Variants in HMBOX1 observed in about 807,000 individuals in gnomAD.
HMBOX1 encodes homeobox-containing protein 1.
In HMBOX1, 14 loss-of-function variants were observed where a neutral mutation model predicts 54.5. That is an observed-to-expected ratio of 0.26 (90% CI 0.17 to 0.40). The LOEUF is 0.40. Among genes scored for constraint, HMBOX1 ranks in the 10% least tolerant of loss-of-function variants. HMBOX1 has a pLI of 1.00. For synonymous variants in HMBOX1, 160 were observed against 181.0 expected (o/e 0.88, Z 0.93); for missense variants, 332 against 514.4 (o/e 0.65, Z 3.43).
At chr8:28,936,274 CAGA>C (rs955329327) in intron 1 of HMBOX1, among the ~76,000 whole-genome samples, 127 of 151,948 alleles carry the variant, frequency 8.4e-4, no homozygotes, top group Non-Finnish European at 1.5e-3. Flanking sequence ...TTTTTTTTCT[CAGA>C]AGAACTGCTC....
chr8:28,943,697 G>T (rs1229874610), intron 1 of HMBOX1, among the ~76,000 whole-genome samples: 4 of 152,274 alleles, frequency 2.6e-5, no homozygotes, highest in African/African-American at 9.6e-5. Flanking sequence ...TAAGTATAAA[G>T]AATTATGTCT....
intron 5 of HMBOX1, among the ~76,000 whole-genome samples, chr8:29,014,270 GA>G (rs35567661): frequency 0.36 from 54,776 of 151,766 alleles, 10,091 homozygotes; most frequent in South Asian, 0.44. Flanking sequence ...TAGATGGGGG[GA>G]AAAAAGATTT....
chr8:29,018,738 A>G lies in HMBOX1; in HGVS notation c.698-22A>G, dbSNP rs202028846. On this transcript the variant is annotated intron_variant, in intron 5 of 9. Transcript: ENST00000287701. ...TTAAATAAACTGCAAGATATTTGCT[A>G]AAAGTGTCTTGTTTATTTCAGGCGC... The G allele has an allele frequency of 8.1e-6, 13 of 1,605,254 alleles. No individual in the cohort carries two copies. In the Admixed American group the frequency reaches 1.0e-4, roughly 12 times the overall value.
chr8:28,936,970 G>T (rs1248257100), intron 1 of HMBOX1, among the ~76,000 whole-genome samples: 6 of 151,928 alleles, frequency 3.9e-5, no homozygotes, highest in Non-Finnish European at 7.4e-5. Context: ...CTTCATTTTA[G>T]GTGGTACAGG....
At chr8:29,009,506 C>T (rs187097037) in intron 5 of HMBOX1, 104 of 838,262 alleles carry the variant, frequency 1.2e-4, no homozygotes, top group Middle Eastern at 1.2e-3. Flanking sequence ...TACATAACTA[C>T]GTAAGATTCC....
intron 4 of HMBOX1, among the ~76,000 whole-genome samples, chr8:29,007,396 C>T (rs957781575): frequency 1.3e-5 from 2 of 152,182 alleles, no homozygotes; most frequent in Non-Finnish European, 2.9e-5. Flanking sequence ...TTTGCATTTT[C>T]TTAGAAGAGG....
intron 1 of HMBOX1, among the ~76,000 whole-genome samples, chr8:28,896,783 G>A (rs1229742969): frequency 2.0e-5 from 3 of 152,138 alleles, no homozygotes; most frequent in South Asian, 2.1e-4. Context: ...TATGGTGTTC[G>A]CTCAACAATG....
chr8:28,967,534 G>T (rs1416464775), intron 2 of HMBOX1, among the ~76,000 whole-genome samples: 1 of 152,152 alleles, frequency 6.6e-6, no homozygotes, highest in Non-Finnish European at 1.5e-5. Flanking sequence ...ACTGTATATA[G>T]ATAACTAACT....
rs116888282 is a variant in HMBOX1, at chr8:28,937,945, T to A, written c.-57-25866T>A. On this transcript the variant is annotated intron_variant, in intron 1 of 9. Coordinates refer to ENST00000287701, the MANE Select transcript of HMBOX1 (RefSeq NM_001135726.3). ...TTCAGTTATTAGGTGTCATCACAGATCCCTCATTGAATCTCCATCTGTCAT... is the reference window on the plus strand; with the variant it reads ...TTCAGTTATTAGGTGTCATCACAGAACCCTCATTGAATCTCCATCTGTCAT... Among the ~76,000 whole-genome samples, 314 of 152,326 alleles carry A rather than the reference T, an allele frequency of 2.1e-3. 1 individual carries two copies. Among genetic ancestry groups the A allele is most frequent in the Admixed American group, 3.9e-3 (60 of 15,294 alleles).
chr8:29,030,375 A>G (rs1802764940), intron 6 of HMBOX1, among the ~76,000 whole-genome samples: 1 of 151,494 alleles, frequency 6.6e-6, no homozygotes, highest in African/African-American at 2.4e-5. Context: ...GTGCCACCCC[A>G]GGCCCAGCTA....
At position 28,896,470 on chromosome 8, in the gene HMBOX1, G is replaced by A. The variant is rs888994263; in HGVS notation, c.-58+5792G>A. On this transcript the variant is annotated intron_variant, in intron 1 of 9. Coordinates refer to ENST00000287701, the MANE Select transcript of HMBOX1 (RefSeq NM_001135726.3). The stretch of plus-strand genomic sequence containing the variant: ...GATTCTCCTCCTCTTCATAAGTTCT[G>A]TTGTTTTGTCAATATAGCTAAGGAG... Among the ~76,000 whole-genome samples, 18 of 127,370 alleles carry A rather than the reference G, an allele frequency of 1.4e-4. 1 individual carries two copies. Among genetic ancestry groups the A allele is most frequent in the African/African-American group, 3.8e-4 (15 of 39,152 alleles). The allele number at this position is 127,370 out of a possible 152,430, so 83.6% of individuals were successfully genotyped here.
chr8:29,022,794 A>C (rs920759780), intron 6 of HMBOX1, among the ~76,000 whole-genome samples: 2 of 145,154 alleles, frequency 1.4e-5, no homozygotes. Flanking sequence ...GGTAGAAGCT[A>C]GATTTCTCGG....
chr8:28,900,249 C>T (rs536926322), intron 1 of HMBOX1, among the ~76,000 whole-genome samples: 8 of 50,352 alleles, frequency 1.6e-4, no homozygotes, highest in African/African-American at 3.3e-4. Context: ...AGCAAGATTC[C>T]GTCTCAAAAA....
intron 4 of HMBOX1, among the ~76,000 whole-genome samples, chr8:29,001,507 G>GC (rs1293129467): frequency 7.9e-5 from 12 of 152,260 alleles, no homozygotes; most frequent in African/African-American, 2.2e-4. Context: ...CCAAGATCAT[G>GC]CCGCGGCGCT....
chr8:28,931,237 G>T (rs1819420789), intron 1 of HMBOX1, among the ~76,000 whole-genome samples: 1 of 152,140 alleles, frequency 6.6e-6, no homozygotes, highest in Non-Finnish European at 1.5e-5. Flanking sequence ...AACAAGTGTA[G>T]AAAGTTATAT....
rs566633301 is a variant in HMBOX1, at chr8:28,953,566, A to AT, written c.-57-10234dup. Among the ~76,000 whole-genome samples the AT allele has an allele frequency of 4.3e-3, 625 of 146,336 alleles. 7 individuals are homozygous for AT. Among genetic ancestry groups the AT allele is most frequent in the African/African-American group, 0.013 (510 of 40,060 alleles). On this transcript the variant is annotated intron_variant, in intron 1 of 9. Coordinates refer to ENST00000287701, the MANE Select transcript of HMBOX1 (RefSeq NM_001135726.3). ...ATTTTCTTCTCTTCTGGTAGCTATCATTTTTTTTTTTCCAGTGGTTAAGCC... is the reference window on the plus strand; with the variant it reads ...ATTTTCTTCTCTTCTGGTAGCTATCATTTTTTTTTTTTCCAGTGGTTAAGCC...
rs71222583 is a variant in HMBOX1 at position 28,973,803 on chromosome 8, G to GTTTTTTTTTTT, written c.500+3305_500+3315dup. Among the ~76,000 whole-genome samples, 427 of 72,628 alleles carry GTTTTTTTTTTT rather than the reference G, an allele frequency of 5.9e-3. 50 individuals are homozygous for GTTTTTTTTTTT. The highest frequency in any genetic ancestry group is 9.1e-3 in the Non-Finnish European group (355 of 38,936). 47.6% of individuals were successfully genotyped at this position (72,628 alleles called of 152,430 possible). A position where few individuals can be genotyped will look rare whatever the true frequency, so the allele number is the denominator to read the frequency against. On this transcript the variant is annotated intron_variant, in intron 3 of 9. Transcript: ENST00000287701. The stretch of plus-strand genomic sequence containing the variant: ...TAATAATTTCGAGATACATAATGGA[G>GTTTTTTTTTTT]TTTTTTTTTTTTTTTTTTTTTTTTT...
At chr8:28,905,938 AT>A (rs1034887025) in intron 1 of HMBOX1, among the ~76,000 whole-genome samples, 4 of 152,084 alleles carry the variant, frequency 2.6e-5, no homozygotes, top group Non-Finnish European at 4.4e-5. Flanking sequence ...TTACCAGCAC[AT>A]TTTTTTCAGC....
intron 1 of HMBOX1, among the ~76,000 whole-genome samples, chr8:28,950,566 C>A (rs757158930): frequency 1.3e-5 from 2 of 152,158 alleles, no homozygotes; most frequent in African/African-American, 4.8e-5. Flanking sequence ...TTAAACGAAT[C>A]TGAAGATCTG....
Sources: gnomAD v4.1 joint callset for allele counts (sites outside exome capture counted in the v4.1 genomes callset) on GRCh38, gnomAD v4.1.1 for gene constraint, MANE v1.5 for transcripts, NCBI Gene and HGNC (gene_info 2026-07-23, HGNC 2026-07-21) for gene names.